The following SEMA6A variants were observed in gnomAD, a reference collection of about 807,000 sequenced individuals.
The protein encoded by SEMA6A is semaphorin-6A.
Under a neutral mutation model 96.8 loss-of-function variants are expected in SEMA6A, and 25 were observed. That is an observed-to-expected ratio of 0.26 (90% CI 0.19 to 0.36). The LOEUF (loss-of-function observed/expected upper bound fraction) is 0.36. Ranked by LOEUF, SEMA6A falls within the 10% of genes least tolerant of loss-of-function variation. The pLI is 1.00. For synonymous variants in SEMA6A, 612 were observed against 518.0 expected, an observed-to-expected ratio of 1.18 and a Z score of -2.46; for missense variants, 1,363 against 1,323.1, an observed-to-expected ratio of 1.03 and a Z score of -0.47.
chr5:116,452,211 T>A (rs932292911), intron 18 of SEMA6A, among the ~76,000 whole-genome samples: 8 of 152,180 alleles, frequency 5.3e-5, no homozygotes, highest in Non-Finnish European at 1.2e-4. Flanking sequence ...CTCTTACCAA[T>A]TGAAAATGGG....
chr5:116,510,952 A>G (rs751417490), intron 1 of SEMA6A, among the ~76,000 whole-genome samples: 8 of 152,226 alleles, frequency 5.3e-5, no homozygotes, highest in Non-Finnish European at 1.2e-4. Context: ...CTATTACTTT[A>G]TTGAAACAGC....
chr5:116,494,202 C>A (rs1262247722), intron 6 of SEMA6A, among the ~76,000 whole-genome samples: 1 of 152,176 alleles, frequency 6.6e-6, no homozygotes, highest in Non-Finnish European at 1.5e-5. Context: ...TCACACAATT[C>A]AGAATCAAAT....
chr5:116,519,777 G>C (rs1426730753), intron 1 of SEMA6A, among the ~76,000 whole-genome samples: 2 of 152,020 alleles, frequency 1.3e-5, no homozygotes, highest in African/African-American at 4.8e-5. Flanking sequence ...ATCCAAGTAT[G>C]GATTCTATTT....
At chr5:116,496,379 A>T in intron 4 of SEMA6A, 66 bp from the exon 5 acceptor site, 2 of 1,425,016 alleles carry the variant, frequency 1.4e-6, no homozygotes, top group Non-Finnish European at 2.0e-6. Context: ...TAGAAGTAAG[A>T]GTTCCCTTGG....
chr5:116,563,708 TCAA>T (rs945309873), intron 1 of SEMA6A, among the ~76,000 whole-genome samples: 4 of 152,200 alleles, frequency 2.6e-5, no homozygotes, highest in African/African-American at 9.6e-5. Context: ...TGAACTCAAT[TCAA>T]CAAAATTCTT....
Position 116,491,786 on chromosome 5 carries a change from G to A in SEMA6A, c.489C>T (p.Ala163=). The change falls in exon 7 of 19, where the codon GCC becomes GCT. Residue 163 remains alanine, a synonymous_variant. Coordinates refer to ENST00000343348, the MANE Select transcript of SEMA6A (RefSeq NM_020796.5). ...EPFGDEFSGM[A]RCPYDAKHAN... ...CATGTTTGGCATCATATGGGCATCT[G>A]GCCATTCCGCTGAATTCATCCCCGA... The A allele has an allele frequency of 6.2e-7, 1 of 1,613,744 alleles. No individual in the cohort carries two copies. Among genetic ancestry groups the A allele is most frequent in the Non-Finnish European group, 8.5e-7 (1 of 1,179,720 alleles).
intron 18 of SEMA6A, 96 bp from the exon 19 acceptor site, chr5:116,447,907 A>G: frequency 1.0e-6 from 1 of 975,538 alleles, no homozygotes; most frequent in Middle Eastern, 2.5e-4. Context: ...AACAGTAGTA[A>G]GTGACAACAG....
chr5:116,538,998 A>T (rs1385571500), intron 1 of SEMA6A, among the ~76,000 whole-genome samples: 1 of 152,220 alleles, frequency 6.6e-6, no homozygotes, highest in Non-Finnish European at 1.5e-5. Flanking sequence ...GAAGTAATTC[A>T]TAGCAACTAA....
chr5:116,500,902 A>G (rs1757846754), intron 3 of SEMA6A, among the ~76,000 whole-genome samples: 1 of 152,112 alleles, frequency 6.6e-6, no homozygotes, highest in Non-Finnish European at 1.5e-5. Flanking sequence ...GCTACTCAGG[A>G]GGCTGAGGCA....
intron 1 of SEMA6A, among the ~76,000 whole-genome samples, chr5:116,513,861 G>A (rs11744594): frequency 0.025 from 3,748 of 152,120 alleles, 61 homozygotes; most frequent in Middle Eastern, 0.041. Flanking sequence ...GCTCCCACTT[G>A]TAAGTAAGAA....
chr5:116,513,789 C>A (rs1321023969), intron 1 of SEMA6A, among the ~76,000 whole-genome samples: 1 of 152,054 alleles, frequency 6.6e-6, no homozygotes, highest in African/African-American at 2.4e-5. Context: ...CCATGCCCTG[C>A]CCTCTGACAG....
intron 1 of SEMA6A, among the ~76,000 whole-genome samples, chr5:116,534,553 G>T (rs1017685414): frequency 1.3e-5 from 2 of 152,216 alleles, no homozygotes; most frequent in African/African-American, 4.8e-5. Flanking sequence ...TAGCTTAAAT[G>T]TTACTGCCTA....
intron 1 of SEMA6A, among the ~76,000 whole-genome samples, chr5:116,508,866 G>A (rs1758267821): frequency 6.6e-6 from 1 of 152,140 alleles, no homozygotes; most frequent in South Asian, 2.1e-4. Flanking sequence ...GGTTCTGAGG[G>A]AACCTTTATA....
At position 116,446,423 on chromosome 5, in the gene SEMA6A, A is replaced by G. The variant is rs1232180995; in HGVS notation, c.*190T>C. 1.0e-5 allele frequency: 5 copies of G among 491,752 alleles called. No individual in the cohort carries two copies. In the East Asian group the frequency reaches 1.6e-4, roughly 15 times the overall value. The allele number at this position is 491,752 out of a possible 1,614,324, so 30.5% of individuals were successfully genotyped here. ...TGAAGGTGAGTCCCCGCCGTTGCAA[A>G]CCTTCACCAAACCACGCGGCCCAGT... On this transcript the variant is annotated 3_prime_UTR_variant, in exon 19 of 19. Transcript: ENST00000343348.
In SEMA6A at chr5:116,574,462, A is replaced by G. The variant is rs1220687997; in HGVS notation, c.-316T>C. 1 of 152,230 alleles carries G rather than the reference A, an allele frequency of 6.6e-6. No individual in the cohort carries two copies. The highest frequency in any genetic ancestry group is 2.4e-5 in the African/African-American group (1 of 41,394). The allele number at this position is 152,230 out of a possible 1,614,324, so 9.4% of individuals were successfully genotyped here. A position where few individuals can be genotyped will look rare whatever the true frequency, so the allele number is the denominator to read the frequency against. On this transcript the variant is annotated 5_prime_UTR_variant, in exon 1 of 19. Coordinates refer to ENST00000343348, the MANE Select transcript of SEMA6A (RefSeq NM_020796.5). ...CCAAAAAAAAAAAGAAGAAAAAGAAAAAGAAAACCAACAAGGAAGAGGGTA... is the reference window on the plus strand; with the variant it reads ...CCAAAAAAAAAAAGAAGAAAAAGAAGAAGAAAACCAACAAGGAAGAGGGTA...
intron 1 of SEMA6A, among the ~76,000 whole-genome samples, chr5:116,518,489 G>T (rs1758771727): frequency 1.3e-5 from 2 of 152,156 alleles, no homozygotes; most frequent in Non-Finnish European, 2.9e-5. Flanking sequence ...TGCCAGACCA[G>T]AATAAGGAGG....
At chr5:116,484,173 G>C (rs968324618) in intron 10 of SEMA6A, among the ~76,000 whole-genome samples, 2 of 151,152 alleles carry the variant, frequency 1.3e-5, no homozygotes, top group African/African-American at 2.4e-5. Flanking sequence ...ATTCCTTTTC[G>C]GAAAGTAACA....
At chr5:116,573,372 G>C (rs942851229) in intron 1 of SEMA6A, among the ~76,000 whole-genome samples, 2 of 152,018 alleles carry the variant, frequency 1.3e-5, no homozygotes, top group Non-Finnish European at 2.9e-5. Flanking sequence ...CCAGCCCGGT[G>C]CAAAGGGCTC....
At chr5:116,488,054 G>A (rs747711719) in intron 9 of SEMA6A, 54 bp downstream of exon 9, 95 of 1,148,352 alleles carry the variant, frequency 8.3e-5, no homozygotes, top group Non-Finnish European at 1.2e-4. Flanking sequence ...TTGACCAAAG[G>A]TGTGGGTTTC....
Sources: gnomAD v4.1 joint callset for allele counts (sites outside exome capture counted in the v4.1 genomes callset) on GRCh38, gnomAD v4.1.1 for gene constraint, MANE v1.5 for transcripts, NCBI Gene and HGNC (gene_info 2026-07-23, HGNC 2026-07-21) for gene names.